The following KMT2B variants were observed in gnomAD, a reference collection of about 807,000 sequenced individuals.
The protein encoded by KMT2B is histone-lysine N-methyltransferase 2B.
Under a neutral mutation model 255.3 loss-of-function variants are expected in KMT2B, and 22 were observed. The observed-to-expected ratio is 0.09, with a 90% CI of 0.06 to 0.12. The LOEUF is 0.12. Ranked by LOEUF, KMT2B falls within the 10% of genes least tolerant of loss-of-function variation. The probability of loss-of-function intolerance (pLI) is 1.00; values close to 1 mark genes in which losing one functional copy is unlikely to be tolerated. For synonymous variants in KMT2B, 1,730 were observed against 1,498.1 expected, an observed-to-expected ratio of 1.15 and a Z score of -3.57; for missense variants, 3,149 against 3,737.0, an observed-to-expected ratio of 0.84 and a Z score of 4.10.
intron 30 of KMT2B, chr19:35,735,737 A>C (rs1334411373): frequency 6.6e-6 from 1 of 152,124 alleles, no homozygotes; most frequent in Non-Finnish European, 1.5e-5. Context: ...TGAGCCCTCC[A>C]CCTGCACGCC....
chr19:35,718,438 G>T lies in KMT2B; in HGVS notation c.363+57G>T. On this transcript the variant is annotated intron_variant, in intron 1 of 36. Coordinates refer to ENST00000420124, the MANE Select transcript of KMT2B (RefSeq NM_014727.3). This position sits in a 1 kb window ranked among gnomAD's most constrained non-coding sequence, Gnocchi z 5.0. ...GTGGGGCGGAGGCCGGGGCTTCCAG[G>T]GGTCTGGGTTGTCCCGGGGGCGGCG... The T allele has an allele frequency of 8.2e-7, 1 of 1,221,314 alleles. No individual in the cohort carries two copies. The highest frequency in any genetic ancestry group is 3.3e-5 in the East Asian group (1 of 30,236). 75.7% of individuals were successfully genotyped at this position (1,221,314 alleles called of 1,614,324 possible). A position where few individuals can be genotyped will look rare whatever the true frequency, so the allele number is the denominator to read the frequency against.
Position 35,725,000 on chromosome 19 carries a change from C to T in KMT2B, c.3441C>T (p.Ala1147=). 1 of 1,612,054 alleles carries T rather than the reference C, an allele frequency of 6.2e-7. No individual in the cohort carries two copies. Among genetic ancestry groups the T allele is most frequent in the South Asian group, 1.1e-5 (1 of 91,046 alleles). ...CCTTTCCTCCCCAGGATGCTTTGGC[C>T]CCTGGCCCCTTTGCTTCTTTTCCCA... ...ARRRLDKDAL[A]PGPFASFPNG... is the part of the protein sequence containing the mutation. Residue 1147 remains alanine (A), a synonymous_variant, in exon 10 of 37, where the codon GCC becomes GCT. Coordinates refer to ENST00000420124, the MANE Select transcript of KMT2B (RefSeq NM_014727.3).
Position 35,733,921 on chromosome 19 carries a change from TG to T in KMT2B, c.7159+52del. The T allele has an allele frequency of 1.5e-6, 2 of 1,375,650 alleles. No homozygotes were observed. Among genetic ancestry groups the T allele is most frequent in the East Asian group, 2.3e-5 (1 of 43,404 alleles). The allele number at this position is 1,375,650 out of a possible 1,614,324, so 85.2% of individuals were successfully genotyped here. A position where few individuals can be genotyped will look rare whatever the true frequency, so the allele number is the denominator to read the frequency against. ...CCTCCTTGCCTGTGCCTGGCTCAGC[TG>T]GGTGACTCACAGATGCAAAATCAGC... On this transcript the variant is annotated intron_variant, in intron 30 of 36. Transcript: ENST00000420124. The surrounding 1 kb of genome is among the most constrained non-coding windows in gnomAD (Gnocchi z 4.3).
Position 35,728,029 on chromosome 19 carries a change from T to C in KMT2B, c.4497+44T>C, listed in dbSNP as rs577608323. The C allele has an allele frequency of 5.9e-5, 92 of 1,549,584 alleles. 1 individual carries two copies. In the East Asian group the frequency reaches 2.1e-3, roughly 36 times the overall value. ...GCTTGTGGGGTGGGGGAGTGGGACC[T>C]TCAGACCCTGCCCCTGCCAGCTCTC... On this transcript the variant is annotated intron_variant, in intron 18 of 36. Coordinates refer to ENST00000420124, the MANE Select transcript of KMT2B (RefSeq NM_014727.3).
chr19:35,726,348 A>C lies in KMT2B; in HGVS notation c.3998A>C (p.Glu1333Ala). Residue 1333 changes from glutamate to alanine, a missense_variant, in exon 14 of 37, where the codon GAG becomes GCG. Physicochemically the swap from Glu to Ala is moderately radical, Grantham distance 107 (BLOSUM62 -1). Coordinates refer to ENST00000420124, the MANE Select transcript of KMT2B (RefSeq NM_014727.3). ...TGCCCCAGGTGCACCCAGCTATATG[A>C]GAAAGGTGGGGACCGGGCAGGGGAA... is the stretch of plus-strand genomic sequence containing the variant. Reference protein sequence around the residue: ...SLCPRCTQLYEKGNYCPICTR... With the variant: ...SLCPRCTQLYAKGNYCPICTR... 1 of 1,609,030 alleles carries C rather than the reference A, an allele frequency of 6.2e-7. No individual in the cohort carries two copies. Among genetic ancestry groups the C allele is most frequent in the South Asian group, 1.1e-5 (1 of 91,000 alleles).
chr19:35,721,770 A>G lies in KMT2B; in HGVS notation c.2423A>G (p.Gln808Arg). The G allele has an allele frequency of 6.3e-7, 1 of 1,587,578 alleles. No homozygotes were observed. Among genetic ancestry groups the G allele is most frequent in the Non-Finnish European group, 8.6e-7 (1 of 1,164,472 alleles). The change falls in exon 3 of 37, where the codon CAG becomes CGG. Residue 808 changes from glutamine to arginine, a missense_variant. Coordinates refer to ENST00000420124, the MANE Select transcript of KMT2B (RefSeq NM_014727.3). ...RAKVQLFKID[Q>R]QQQQKVAASM... The stretch of plus-strand genomic sequence containing the variant: ...AAAGTGCAGCTATTCAAGATCGATC[A>G]GCAGCAGCAGCAGAAGGTGGCAGCT...
chr19:35,719,809 C>T lies in KMT2B; in HGVS notation c.462C>T (p.Arg154=). The T allele has an allele frequency of 1.2e-6, 2 of 1,603,902 alleles. No individual in the cohort carries two copies. The highest frequency in any genetic ancestry group is 1.1e-5 in the South Asian group (1 of 90,120). ...GTCGAGCGCCCCGAGGTCGGGGTCG[C>T]AAGCATAAGACGACCCCCCTTCCTC... ...QRGRAPRGRG[R]KHKTTPLPPP... The change falls in exon 3 of 37, where the codon CGC becomes CGT. Residue 154 remains arginine (R), a synonymous_variant. Transcript: ENST00000420124.
In KMT2B at chr19:35,727,700, T is replaced by C. The variant is rs753179727; in HGVS notation, c.4305T>C (p.Cys1435=). Residue 1435 remains cysteine, a splice_region_variant and synonymous_variant, in exon 17 of 37, where the codon TGT becomes TGC. Coordinates refer to ENST00000420124, the MANE Select transcript of KMT2B (RefSeq NM_014727.3). This position sits in a 1 kb window ranked among gnomAD's most constrained non-coding sequence, Gnocchi z 4.2. ...VVGPLLLCTQ[C]GPDGKQLHPG... is the part of the protein sequence containing the mutation. Reference sequence around the variant, plus strand: ...CTGCTAACTTCCCCGCTTTGCAGTGTGGGCCAGATGGGAAGCAACTGCACC... The same window carrying C: ...CTGCTAACTTCCCCGCTTTGCAGTGCGGGCCAGATGGGAAGCAACTGCACC... The C allele has an allele frequency of 5.6e-6, 9 of 1,613,648 alleles. No homozygotes were observed. In the South Asian group the frequency reaches 9.9e-5, roughly 18 times the overall value.
In KMT2B at chr19:35,721,233, C is replaced by G; in HGVS notation, c.1886C>G (p.Pro629Arg). The G allele has an allele frequency of 6.8e-7, 1 of 1,467,004 alleles. No individual in the cohort carries two copies. Among genetic ancestry groups the G allele is most frequent in the Non-Finnish European group, 9.2e-7 (1 of 1,085,988 alleles). The allele number at this position is 1,467,004 out of a possible 1,614,324, so 90.9% of individuals were successfully genotyped here. Residue 629 changes from proline (P) to arginine (R), a missense_variant, in exon 3 of 37, where the codon CCG becomes CGG. Pro to Arg is a moderately radical substitution (Grantham distance 103). Coordinates refer to ENST00000420124, the MANE Select transcript of KMT2B (RefSeq NM_014727.3). Reference protein sequence around the residue: ...PPPPPAPPPPPAPSPPPAPAT... With the variant: ...PPPPPAPPPPRAPSPPPAPAT... Reference sequence around the variant, plus strand: ...CCTCCCCCAGCCCCTCCACCTCCCCCGGCCCCCTCCCCACCCCCTGCTCCT... The same window carrying G: ...CCTCCCCCAGCCCCTCCACCTCCCCGGGCCCCCTCCCCACCCCCTGCTCCT...
At position 35,730,824 on chromosome 19, in the gene KMT2B, A is replaced by G. The variant is rs1243153745; in HGVS notation, c.5394A>G (p.Ala1798=). ...PREEPAHLEA[A]EENQTIVHSP... ...AAGAGCCAGCTCACCTGGAGGCTGCAGAGGAGAACCAGACCATTGTGCACA... is the reference window on the plus strand; with the variant it reads ...AAGAGCCAGCTCACCTGGAGGCTGCGGAGGAGAACCAGACCATTGTGCACA... The change falls in exon 26 of 37, where the codon GCA becomes GCG. Residue 1798 remains alanine, a synonymous_variant. Coordinates refer to ENST00000420124, the MANE Select transcript of KMT2B (RefSeq NM_014727.3). 6.2e-7 allele frequency: 1 copy of G among 1,613,204 alleles called. No individual in the cohort carries two copies.
intron 23 of KMT2B, 103 bp from the exon 24 acceptor site, chr19:35,730,239 T>G (rs1969638634): frequency 6.3e-7 from 1 of 1,595,430 alleles, no homozygotes; most frequent in African/African-American, 1.3e-5. Context: ...TCCTCATCTG[T>G]TTTCCCAGAG....
intron 30 of KMT2B, 108 bp from the exon 31 acceptor site, chr19:35,736,578 GTGTC>G: frequency 7.7e-7 from 1 of 1,295,954 alleles, no homozygotes; most frequent in South Asian, 1.4e-5. Flanking sequence ...CCTAGTATCT[GTGTC>G]TGCGCCTAGG....
chr19:35,723,058 C>A lies in KMT2B; in HGVS notation c.2786C>A (p.Ala929Glu), dbSNP rs1172200759. 1.2e-6 allele frequency: 2 copies of A among 1,612,566 alleles called. No individual in the cohort carries two copies. The highest frequency in any genetic ancestry group is 4.5e-5 in the East Asian group (2 of 44,858). Residue 929 changes from alanine to glutamate, a missense_variant, in exon 6 of 37, where the codon GCA (alanine) becomes GAA (glutamate). Physicochemically the swap from Ala to Glu is moderately radical, Grantham distance 107. This residue lies in a region of KMT2B where 132 missense variants were observed against 174.7 expected (regional missense o/e 0.76). Coordinates refer to ENST00000420124, the MANE Select transcript of KMT2B (RefSeq NM_014727.3). This position sits in a 1 kb window ranked among gnomAD's most constrained non-coding sequence, Gnocchi z 7.5. ...PSRSRRGKVE[A>E]AGPGGESEPT... The stretch of plus-strand genomic sequence containing the variant: ...CGGTCCCGGCGGGGAAAGGTGGAGG[C>A]AGCAGGCCCTGGGGGAGAATCAGAG...
intron 26 of KMT2B, among the ~76,000 whole-genome samples, 171 bp downstream of exon 26, chr19:35,731,038 C>T (rs566859576): frequency 1.8e-4 from 27 of 152,368 alleles, no homozygotes; most frequent in African/African-American, 5.3e-4. Context: ...GGGCTGTGCC[C>T]GGCTTTTCAT....
chr19:35,722,378 T>C lies in KMT2B; in HGVS notation c.2477T>C (p.Met826Thr). 11 of 1,610,394 alleles carry C rather than the reference T, an allele frequency of 6.8e-6. No individual in the cohort carries two copies. Among genetic ancestry groups the C allele is most frequent in the Non-Finnish European group, 9.3e-6 (11 of 1,179,634 alleles). Residue 826 changes from methionine (M) to threonine (T), a missense_variant, in exon 4 of 37, where the codon ATG becomes ACG. Physicochemically the swap from Met to Thr is moderately conservative, Grantham distance 81 (BLOSUM62 -1). Around this residue, in one of 18 missense-constraint regions of KMT2B, gnomAD observed 1,188 missense variants for 1,106.4 expected, o/e 1.07. Coordinates refer to ENST00000420124, the MANE Select transcript of KMT2B (RefSeq NM_014727.3). ...TGCCAGCTGAGCCCTGGAGGGCAGATGGAGGAGGTGGCCGGGGCTGTCAAG... is the reference window on the plus strand; with the variant it reads ...TGCCAGCTGAGCCCTGGAGGGCAGACGGAGGAGGTGGCCGGGGCTGTCAAG... Reference protein sequence around the residue: ...ASMPLSPGGQMEEVAGAVKQI... With the variant: ...ASMPLSPGGQTEEVAGAVKQI...
At chr19:35,724,862 C>T (rs578214640) in intron 9 of KMT2B, 127 bp from the exon 10 acceptor site, 4 of 1,145,898 alleles carry the variant, frequency 3.5e-6, no homozygotes, top group Non-Finnish European at 5.1e-6. Flanking sequence ...CGGGCCTTGC[C>T]TGTCTGGAAA....
Position 35,723,702 on chromosome 19 carries a change from C to A in KMT2B, c.3059-30C>A. ...AGTGTCCCATGTCCCTGGCTGAGCTCAAATCCTACTAAGTCCCCTGTTCCC... is the reference window on the plus strand; with the variant it reads ...AGTGTCCCATGTCCCTGGCTGAGCTAAAATCCTACTAAGTCCCCTGTTCCC... On this transcript the variant is annotated intron_variant, in intron 7 of 36. Coordinates refer to ENST00000420124, the MANE Select transcript of KMT2B (RefSeq NM_014727.3). The surrounding 1 kb of genome is among the most constrained non-coding windows in gnomAD (Gnocchi z 7.5). 1 of 1,514,906 alleles carries A rather than the reference C, an allele frequency of 6.6e-7. No homozygotes were observed. Among genetic ancestry groups the A allele is most frequent in the South Asian group, 1.3e-5 (1 of 75,976 alleles). 93.8% of individuals were successfully genotyped at this position (1,514,906 alleles called of 1,614,324 possible). A position where few individuals can be genotyped will look rare whatever the true frequency, so the allele number is the denominator to read the frequency against.
Position 35,723,339 on chromosome 19 carries a change from C to T in KMT2B, c.3002+65C>T. 1 of 1,572,216 alleles carries T rather than the reference C, an allele frequency of 6.4e-7. No homozygotes were observed. Among genetic ancestry groups the T allele is most frequent in the Non-Finnish European group, 8.7e-7 (1 of 1,154,828 alleles). Reference sequence around the variant, plus strand: ...GTCCCCTAGGCTTCCTACCTCACTCCTCTTCTGCCTGGCCAGAGCAGTGGG... The same window carrying T: ...GTCCCCTAGGCTTCCTACCTCACTCTTCTTCTGCCTGGCCAGAGCAGTGGG... On this transcript the variant is annotated intron_variant, in intron 6 of 36. Coordinates refer to ENST00000420124, the MANE Select transcript of KMT2B (RefSeq NM_014727.3). This position sits in a 1 kb window ranked among gnomAD's most constrained non-coding sequence, Gnocchi z 7.5.
chr19:35,738,677 G>A lies in KMT2B; in HGVS notation c.*120G>A. The A allele has an allele frequency of 8.6e-7, 1 of 1,157,106 alleles. No homozygotes were observed. The allele number at this position is 1,157,106 out of a possible 1,614,324, so 71.7% of individuals were successfully genotyped here. A position where few individuals can be genotyped will look rare whatever the true frequency, so the allele number is the denominator to read the frequency against. ...TCTCACCCCCACCCTCATGTTCAGG[G>A]TGGATGTGGGCATGCAGGTGACAAG... On this transcript the variant is annotated 3_prime_UTR_variant, in exon 37 of 37. Transcript: ENST00000420124. This position sits in a 1 kb window ranked among gnomAD's most constrained non-coding sequence, Gnocchi z 8.7.
Sources: gnomAD v4.1 joint callset for allele counts (sites outside exome capture counted in the v4.1 genomes callset) on GRCh38, gnomAD v4.1.1 for gene constraint, gnomAD v4.1.1 regional missense constraint, Gnocchi (gnomAD v3.1) non-coding constraint, MANE v1.5 for transcripts, NCBI Gene and HGNC (gene_info 2026-07-23, HGNC 2026-07-21) for gene names.